The following FZR1 variants were observed in gnomAD, a reference collection of about 807,000 sequenced individuals.
FZR1 encodes fizzy and cell division cycle 20 related 1, also known as fizzy-related protein homolog.
A neutral mutation model predicts 63.6 loss-of-function variants in FZR1; 11 were observed. That is an observed-to-expected ratio of 0.17 (90% confidence interval 0.11 to 0.29). FZR1 has a LOEUF of 0.29. FZR1 is among the 10% of genes least tolerant of loss of function. FZR1 has a pLI of 1.00. For missense variants in FZR1, 440 were observed against 687.5 expected (o/e 0.64, Z 4.03); for synonymous variants, 328 against 297.9 (o/e 1.10, Z -1.04).
rs959234043 is a variant in FZR1 at position 3,522,840 on chromosome 19, A to G, written c.-34-116A>G. 3 of 671,402 alleles carry G rather than the reference A, an allele frequency of 4.5e-6. No homozygotes were observed. In the African/African-American group the frequency reaches 5.3e-5, roughly 12 times the overall value. 41.6% of individuals were successfully genotyped at this position (671,402 alleles called of 1,614,324 possible). On this transcript the variant is annotated intron_variant, in intron 1 of 13. Coordinates refer to ENST00000441788, the MANE Select transcript of FZR1 (RefSeq NM_016263.4). ...GGCTGGCAGAAGATCCCCACAGAGG[A>G]GCCAGGAGGACCCCACAGTCACTCT... is the stretch of plus-strand genomic sequence containing the variant.
chr19:3,519,327 C>T (rs991506257), intron 1 of FZR1, among the ~76,000 whole-genome samples: 2 of 152,258 alleles, frequency 1.3e-5, no homozygotes, highest in African/African-American at 2.4e-5. Context: ...CTGCGGCAGC[C>T]GCGTCTACGT....
intron 1 of FZR1, among the ~76,000 whole-genome samples, chr19:3,510,846 T>TG (rs1354252565): frequency 2.0e-5 from 3 of 152,006 alleles, no homozygotes; most frequent in African/African-American, 7.3e-5. Context: ...ATGGAGTGAG[T>TG]GGAGGCCAGT....
At chr19:3,507,044 A>C (rs1476400793) in intron 1 of FZR1, among the ~76,000 whole-genome samples, 3 of 152,032 alleles carry the variant, frequency 2.0e-5, no homozygotes, top group Non-Finnish European at 4.4e-5. Flanking sequence ...GACACCCGGA[A>C]ACCTGTGTCT....
intron 8 of FZR1, 116 bp from the exon 9 acceptor site, chr19:3,531,598 A>G (rs1440432696): frequency 1.5e-6 from 1 of 685,964 alleles, no homozygotes. Context: ...GAGAGTCGTT[A>G]GGGAAACCGT....
intron 1 of FZR1, among the ~76,000 whole-genome samples, chr19:3,517,968 G>A (rs1051346702): frequency 1.3e-5 from 2 of 150,022 alleles, no homozygotes; most frequent in African/African-American, 4.9e-5. Flanking sequence ...CTGAGTCCTG[G>A]GACTACAGAT....
chr19:3,517,412 C>T (rs1201285056), intron 1 of FZR1, among the ~76,000 whole-genome samples: 13 of 151,894 alleles, frequency 8.6e-5, no homozygotes, highest in Non-Finnish European at 2.9e-5. Context: ...CCTGGCTGGG[C>T]GCTGTGGCTC....
intron 10 of FZR1, 100 bp downstream of exon 10, chr19:3,532,195 G>T: frequency 8.6e-7 from 1 of 1,165,808 alleles, no homozygotes; most frequent in Non-Finnish European, 1.2e-6. Context: ...GCGGGCGCGG[G>T]GCCCACTCCA....
rs1314754519 is a variant in FZR1 at position 3,536,116 on chromosome 19, C to CACATCCCA, written c.*1287_*1294dup. On this transcript the variant is annotated 3_prime_UTR_variant, in exon 14 of 14. Coordinates refer to ENST00000441788, the MANE Select transcript of FZR1 (RefSeq NM_016263.4). Reference sequence around the variant, plus strand: ...TTGGGAACCCCCACTCCCCACTCCCCACATCCCAACATCCTGGTGTCTGTC... The same window carrying CACATCCCA: ...TTGGGAACCCCCACTCCCCACTCCCCACATCCCAACATCCCAACATCCTGGTGTCTGTC... 2.0e-5 allele frequency: 3 copies of CACATCCCA among 152,274 alleles called. No homozygotes were observed. Among genetic ancestry groups the CACATCCCA allele is most frequent in the East Asian group, 1.9e-4 (1 of 5,198 alleles). The allele number at this position is 152,274 out of a possible 1,614,324, so 9.4% of individuals were successfully genotyped here. A position where few individuals can be genotyped will look rare whatever the true frequency, so the allele number is the denominator to read the frequency against.
At chr19:3,511,154 C>T (rs541786858) in intron 1 of FZR1, among the ~76,000 whole-genome samples, 1 of 152,354 alleles carries the variant, frequency 6.6e-6, no homozygotes, top group East Asian at 1.9e-4. Flanking sequence ...TGTGCTGCCG[C>T]AGACCCAGGT....
At chr19:3,532,971 C>T (rs942132146) in intron 11 of FZR1, among the ~76,000 whole-genome samples, 1 of 151,938 alleles carries the variant, frequency 6.6e-6, no homozygotes, top group Admixed American at 6.6e-5. Context: ...CCACTGAGCA[C>T]CCTGGCCTGC....
chr19:3,526,493 C>A lies in FZR1; in HGVS notation c.387+107C>A. On this transcript the variant is annotated intron_variant, in intron 5 of 13. Coordinates refer to ENST00000441788, the MANE Select transcript of FZR1 (RefSeq NM_016263.4). The surrounding 1 kb of genome is among the most constrained non-coding windows in gnomAD (Gnocchi z 5.4). ...CCTCCCCGAGCCCGGTTCTCGGGCC[C>A]AGCCACGGCTCAGCACCCCCGCCCT... is the stretch of plus-strand genomic sequence containing the variant. 1 of 897,932 alleles carries A rather than the reference C, an allele frequency of 1.1e-6. No individual in the cohort carries two copies. Among genetic ancestry groups the A allele is most frequent in the Non-Finnish European group, 1.7e-6 (1 of 585,864 alleles). 55.6% of individuals were successfully genotyped at this position (897,932 alleles called of 1,614,324 possible).
Position 3,506,695 on chromosome 19 carries a change from C to A in FZR1, c.-35+221C>A, listed in dbSNP as rs1233838583. Among the ~76,000 whole-genome samples, 3 of 151,748 alleles carry A rather than the reference C, an allele frequency of 2.0e-5. No individual in the cohort carries two copies. In the South Asian group the frequency reaches 6.2e-4, roughly 32 times the overall value. ...GAGTTAACACCCAAATCCCAGCGTC[C>A]CCCCCACGTCGGGGCCTGCCGTGAC... is the stretch of plus-strand genomic sequence containing the variant. On this transcript the variant is annotated intron_variant, in intron 1 of 13. Transcript: ENST00000441788.
At chr19:3,527,295 C>T (rs1158435553) in intron 6 of FZR1, among the ~76,000 whole-genome samples, 2 of 152,202 alleles carry the variant, frequency 1.3e-5, no homozygotes, top group African/African-American at 4.8e-5. Context: ...AAGTGTAGTC[C>T]AGGCCTAGAG....
chr19:3,535,107 C>T lies in FZR1; in HGVS notation c.*271C>T, dbSNP rs546661931. ...GGGCGAGAACCACATTGGACGGTCC[C>T]GGCTCAGACCGTCTGTACTCAGAGC... On this transcript the variant is annotated 3_prime_UTR_variant, in exon 14 of 14. Coordinates refer to ENST00000441788, the MANE Select transcript of FZR1 (RefSeq NM_016263.4). 17 of 527,652 alleles carry T rather than the reference C, an allele frequency of 3.2e-5. No individual in the cohort carries two copies. Among genetic ancestry groups the T allele is most frequent in the African/African-American group, 2.5e-4 (13 of 52,328 alleles). 32.7% of individuals were successfully genotyped at this position (527,652 alleles called of 1,614,324 possible). A position where few individuals can be genotyped will look rare whatever the true frequency, so the allele number is the denominator to read the frequency against.
rs1351724464 is a variant in FZR1 at position 3,515,771 on chromosome 19, A to AC, written c.-34-7185_-34-7184insC. Among the ~76,000 whole-genome samples, 1 of 151,722 alleles carries AC rather than the reference A, an allele frequency of 6.6e-6. No homozygotes were observed. The highest frequency in any genetic ancestry group is 1.5e-5 in the Non-Finnish European group (1 of 67,896). ...ACAGAGCCAGACTCCGTCTCTAAAA[A>AC]AAAAAAAAAAAGGAATTCAAGAAGT... On this transcript the variant is annotated intron_variant, in intron 1 of 13. Transcript: ENST00000441788. The surrounding 1 kb of genome is among the most constrained non-coding windows in gnomAD (Gnocchi z 4.6).
Position 3,531,966 on chromosome 19 carries a change from C to T in FZR1, c.879C>T (p.Ile293=). Residue 293 remains isoleucine (I), a synonymous_variant, in exon 10 of 14, where the codon ATC becomes ATT. Coordinates refer to ENST00000441788, the MANE Select transcript of FZR1 (RefSeq NM_016263.4). ...QLSSGSRDRM[I]LQRDIRTPPL... is the part of the protein sequence containing the mutation. ...CGTCCGGGAGCCGCGACCGCATGAT[C>T]CTGCAGAGGGACATCCGCACCCCGC... 6.3e-7 allele frequency: 1 copy of T among 1,582,372 alleles called. No individual in the cohort carries two copies. The highest frequency in any genetic ancestry group is 8.6e-7 in the Non-Finnish European group (1 of 1,168,562).
intron 8 of FZR1, 130 bp downstream of exon 8, chr19:3,530,987 C>G: frequency 1.5e-6 from 1 of 648,420 alleles, no homozygotes; most frequent in Non-Finnish European, 2.7e-6. Context: ...GGTCTGTGTC[C>G]CCCACTGTCC....
rs1373039782 is a variant in FZR1 at position 3,525,981 on chromosome 19, C to T, written c.183C>T (p.Phe61=). The T allele has an allele frequency of 6.2e-7, 1 of 1,612,250 alleles. No individual in the cohort carries two copies. Among genetic ancestry groups the T allele is most frequent in the Non-Finnish European group, 8.5e-7 (1 of 1,179,756 alleles). The change falls in exon 3 of 14, where the codon TTC becomes TTT. Residue 61 remains phenylalanine (F), a synonymous_variant. Coordinates refer to ENST00000441788, the MANE Select transcript of FZR1 (RefSeq NM_016263.4). The surrounding 1 kb of genome is among the most constrained non-coding windows in gnomAD (Gnocchi z 4.2). ...SRAGANWSVN[F]HRINENEKSP... ...CCGGAGCCAACTGGAGCGTGAACTT[C>T]CACAGGATTAACGTGAGGGGCTGGC...
At chr19:3,510,767 C>A (rs914242145) in intron 1 of FZR1, among the ~76,000 whole-genome samples, 1 of 152,216 alleles carries the variant, frequency 6.6e-6, no homozygotes, top group Non-Finnish European at 1.5e-5. Flanking sequence ...TGGGTGACTC[C>A]GCCCCCACAG....
Sources: gnomAD v4.1 joint callset for allele counts (sites outside exome capture counted in the v4.1 genomes callset) on GRCh38, gnomAD v4.1.1 for gene constraint, Gnocchi (gnomAD v3.1) non-coding constraint, MANE v1.5 for transcripts, NCBI Gene and HGNC (gene_info 2026-07-23, HGNC 2026-07-21) for gene names.